Variants in POU6F1 observed in about 807,000 individuals in gnomAD.
POU6F1 encodes the protein POU domain, class 6, transcription factor 1.
In POU6F1, 9 loss-of-function variants were observed where a neutral mutation model predicts 28.9. That is an observed-to-expected ratio of 0.31 (90% CI 0.19 to 0.54). POU6F1 has a LOEUF of 0.54. POU6F1 is among the 20% of genes least tolerant of loss of function. The pLI, the probability that POU6F1 is intolerant of heterozygous loss-of-function variation, is 0.94. For synonymous variants in POU6F1, 173 were observed against 171.1 expected (o/e 1.01, Z -0.09); for missense variants, 338 against 426.1 (o/e 0.79, Z 1.82).
intron 3 of POU6F1, among the ~76,000 whole-genome samples, chr12:51,203,121 T>C (rs1426732476): frequency 6.6e-6 from 1 of 152,130 alleles, no homozygotes; most frequent in Non-Finnish European, 1.5e-5. Context: ...CACAAACCCC[T>C]GGAAGAAGAT....
chr12:51,192,297 CT>C, intron 9 of POU6F1, 32 bp downstream of exon 9: 1 of 1,609,714 alleles, frequency 6.2e-7, no homozygotes, highest in Non-Finnish European at 8.5e-7. Context: ...TGCCTCCCCA[CT>C]TCTCCACACT....
intron 8 of POU6F1, among the ~76,000 whole-genome samples, chr12:51,195,609 G>A (rs1364670892): frequency 6.6e-6 from 1 of 152,168 alleles, no homozygotes; most frequent in African/African-American, 2.4e-5. Context: ...GTAGAGGAAT[G>A]GGGTACAGAA....
At position 51,204,249 on chromosome 12, in the gene POU6F1, G is replaced by C; in HGVS notation, c.168C>G (p.Ser56Arg). 1 of 399,118 alleles carries C rather than the reference G, an allele frequency of 2.5e-6. No homozygotes were observed. The highest frequency in any genetic ancestry group is 4.4e-6 in the Non-Finnish European group (1 of 226,172). 24.7% of individuals were successfully genotyped at this position (399,118 alleles called of 1,614,324 possible). Reference protein sequence around the residue: ...LEGVAAEGSQSGDPAEASQAA... With the variant: ...LEGVAAEGSQRGDPAEASQAA... ...CTTGACTGGCTTCAGCAGGGTCTCC[G>C]CTCTGGGAGCCCTCGGCGGCCACAC... The change falls in exon 3 of 11, where the codon AGC becomes AGG. Residue 56 changes from serine (S) to arginine (R), a missense_variant. Physicochemically the swap from Ser to Arg is moderately radical, Grantham distance 110. Coordinates refer to ENST00000333640, the MANE Select transcript of POU6F1 (RefSeq NM_001330422.2).
Position 51,196,123 on chromosome 12 carries a change from TG to T in POU6F1, c.1025del (p.Pro342GlnfsTer12). ...WVVNSASVAAPAPAQSLQVQA... is the reference protein window; with the variant it reads ...WVVNSASVAAXAPAQSLQVQA... ...GGACCTGCAGGCTTTGGGCTGGTGC[TG>T]GGGCCGCCACACTAGCTGAGTTCAC... On this transcript the variant is annotated frameshift_variant, in exon 8 of 11. Coordinates refer to ENST00000333640, the MANE Select transcript of POU6F1 (RefSeq NM_001330422.2). LOFTEE classifies it high-confidence loss of function. 1 of 1,577,266 alleles carries T rather than the reference TG, an allele frequency of 6.3e-7. No individual in the cohort carries two copies. The highest frequency in any genetic ancestry group is 1.8e-5 in the Admixed American group (1 of 55,070).
intron 8 of POU6F1, 37 bp downstream of exon 8, chr12:51,195,932 GA>G (rs1020634995): frequency 2.1e-6 from 3 of 1,416,178 alleles, no homozygotes; most frequent in Admixed American, 2.1e-5. Flanking sequence ...CCAGATAGCA[GA>G]GCCTGCCCCA....
intron 6 of POU6F1, among the ~76,000 whole-genome samples, chr12:51,197,348 G>T (rs576963826): frequency 6.6e-6 from 1 of 152,282 alleles, no homozygotes; most frequent in Admixed American, 6.5e-5. Flanking sequence ...AGGCCTGGGA[G>T]GGTAGAAGGG....
intron 1 of POU6F1, among the ~76,000 whole-genome samples, chr12:51,212,783 A>G (rs1236770825): frequency 6.7e-6 from 1 of 150,166 alleles, no homozygotes; most frequent in East Asian, 1.9e-4. Context: ...TCTCAAAAAA[A>G]AAAAAAAAAA....
intron 1 of POU6F1, among the ~76,000 whole-genome samples, chr12:51,212,938 A>G (rs930817239): frequency 1.3e-5 from 2 of 151,798 alleles, no homozygotes; most frequent in Admixed American, 6.6e-5. Flanking sequence ...GACCTAATGC[A>G]GTTGTTTTTT....
At chr12:51,216,843 C>CG (rs1190424934) in intron 1 of POU6F1, among the ~76,000 whole-genome samples, 2 of 152,112 alleles carry the variant, frequency 1.3e-5, no homozygotes, top group South Asian at 2.1e-4. Flanking sequence ...CCTGCCCAGC[C>CG]GCAGAGGCTA....
intron 7 of POU6F1, among the ~76,000 whole-genome samples, chr12:51,196,549 C>T (rs1444585630): frequency 6.6e-6 from 1 of 152,216 alleles, no homozygotes; most frequent in Non-Finnish European, 1.5e-5. Flanking sequence ...AAGCACCTAG[C>T]ATAAAGCCTG....
chr12:51,196,460 C>A (rs1403401523), intron 7 of POU6F1, among the ~76,000 whole-genome samples: 1 of 152,160 alleles, frequency 6.6e-6, no homozygotes, highest in Non-Finnish European at 1.5e-5. Context: ...TGAACCTCAG[C>A]CTTCTGTCTT....
intron 8 of POU6F1, among the ~76,000 whole-genome samples, chr12:51,193,350 G>T (rs573576111): frequency 6.6e-6 from 1 of 152,182 alleles, no homozygotes; most frequent in Non-Finnish European, 1.5e-5. Context: ...CAAAGGGGGC[G>T]GATCACCTGA....
chr12:51,195,218 T>C (rs1942729566), intron 8 of POU6F1, among the ~76,000 whole-genome samples: 1 of 152,210 alleles, frequency 6.6e-6, no homozygotes, highest in African/African-American at 2.4e-5. Flanking sequence ...CACTGCAGCC[T>C]TGAACTCTTG....
At position 51,217,839 on chromosome 12, in the gene POU6F1, C is replaced by G. The variant is rs1238909931; in HGVS notation, c.-245G>C. 1.3e-5 allele frequency: 2 copies of G among 151,858 alleles called. No homozygotes were observed. Among genetic ancestry groups the G allele is most frequent in the African/African-American group, 4.8e-5 (2 of 41,386 alleles). The allele number at this position is 151,858 out of a possible 1,614,324, so 9.4% of individuals were successfully genotyped here. On this transcript the variant is annotated 5_prime_UTR_variant, in exon 1 of 11. Transcript: ENST00000333640. This position sits in a 1 kb window ranked among gnomAD's most constrained non-coding sequence, Gnocchi z 5.3. ...GTCGGGACCCGCCGCCGCCCCCAGG[C>G]CCCCAGCCTGGGCTGGGCAGAGCCG...
chr12:51,194,309 G>C (rs1033063865), intron 8 of POU6F1, among the ~76,000 whole-genome samples: 1 of 152,074 alleles, frequency 6.6e-6, no homozygotes, highest in African/African-American at 2.4e-5. Flanking sequence ...TTACAGGCCT[G>C]AGCCACTGTG....
chr12:51,208,843 A>G (rs977476692), intron 1 of POU6F1, among the ~76,000 whole-genome samples: 1 of 152,126 alleles, frequency 6.6e-6, no homozygotes, highest in African/African-American at 2.4e-5. Context: ...AGATTGAGGC[A>G]GGAGGATCAC....
Position 51,190,224 on chromosome 12 carries a change from A to T in POU6F1, c.*23T>A. The T allele has an allele frequency of 6.2e-7, 1 of 1,610,292 alleles. No individual in the cohort carries two copies. The highest frequency in any genetic ancestry group is 8.5e-7 in the Non-Finnish European group (1 of 1,177,934). ...CCACGGGAAATGGACAAAGTGCTAG[A>T]ACACAGGGCCAGGGGCTGAGCCCTA... is the stretch of plus-strand genomic sequence containing the variant. On this transcript the variant is annotated 3_prime_UTR_variant, in exon 11 of 11. Transcript: ENST00000333640. This position sits in a 1 kb window ranked among gnomAD's most constrained non-coding sequence, Gnocchi z 4.5.
chr12:51,203,174 C>A (rs897267263), intron 3 of POU6F1, among the ~76,000 whole-genome samples: 1 of 152,128 alleles, frequency 6.6e-6, no homozygotes, highest in African/African-American at 2.4e-5. Flanking sequence ...ATTTAAGATC[C>A]ATTTCTGAGA....
Position 51,187,938 on chromosome 12 carries a change from GT to G in POU6F1, c.*2308del, listed in dbSNP as rs1406734603. 1 of 152,134 alleles carries G rather than the reference GT, an allele frequency of 6.6e-6. No homozygotes were observed. Among genetic ancestry groups the G allele is most frequent in the African/African-American group, 2.4e-5 (1 of 41,404 alleles). 9.4% of individuals were successfully genotyped at this position (152,134 alleles called of 1,614,324 possible). ...AGCATGAAAACCTGCATCGCCATAA[GT>G]TTTTGTTTGTTTGAGACCGAGTCTT... On this transcript the variant is annotated 3_prime_UTR_variant, in exon 11 of 11. Coordinates refer to ENST00000333640, the MANE Select transcript of POU6F1 (RefSeq NM_001330422.2).
Sources: gnomAD v4.1 joint callset for allele counts (sites outside exome capture counted in the v4.1 genomes callset) on GRCh38, gnomAD v4.1.1 for gene constraint, Gnocchi (gnomAD v3.1) non-coding constraint, MANE v1.5 for transcripts, NCBI Gene and HGNC (gene_info 2026-07-23, HGNC 2026-07-21) for gene names.